The following ATG14 variants were observed in gnomAD, a reference collection of about 807,000 sequenced individuals.
ATG14 encodes the protein autophagy related 14.
In ATG14, 35 loss-of-function variants were observed where a neutral mutation model predicts 60.4. The observed-to-expected ratio is 0.58, with a 90% CI of 0.44 to 0.77. The LOEUF (loss-of-function observed/expected upper bound fraction) is 0.77. Ranked by LOEUF, ATG14 falls within the 30% of genes least tolerant of loss-of-function variation. The pLI is 0.00. For missense variants in ATG14, 647 were observed against 626.3 expected, an observed-to-expected ratio of 1.03 and a Z score of -0.35; for synonymous variants, 234 against 228.8, an observed-to-expected ratio of 1.02 and a Z score of -0.21.
At chr14:55,402,968 T>TATATAC (rs1336670488) in intron 1 of ATG14, among the ~76,000 whole-genome samples, 1 of 60,988 alleles carries the variant, frequency 1.6e-5, no homozygotes, top group East Asian at 4.9e-4. Flanking sequence ...TATATATATA[T>TATATAC]AAATAGCTGG....
At chr14:55,407,124 G>A (rs1430670704) in intron 1 of ATG14, among the ~76,000 whole-genome samples, 1 of 151,956 alleles carries the variant, frequency 6.6e-6, no homozygotes, top group African/African-American at 2.4e-5. Context: ...ACAACACCCA[G>A]CTAATTTTTG....
intron 1 of ATG14, among the ~76,000 whole-genome samples, chr14:55,404,663 G>T (rs1467522400): frequency 4.6e-5 from 7 of 152,174 alleles, no homozygotes; most frequent in Non-Finnish European, 7.4e-5. Context: ...GTGTACAGGT[G>T]GGGGGTGCTG....
Position 55,380,637 on chromosome 14 carries a change from T to G in ATG14, c.931A>C (p.Thr311Pro). 6.2e-7 allele frequency: 1 copy of G among 1,613,338 alleles called. No homozygotes were observed. ...TGAGACAGAATGTTGACCAGCTGAG[T>G]TGCATAGCACAGCGCAGCACTGATG... Reference protein sequence around the residue: ...YTISAALCYATQLVNILSHIL... With the variant: ...YTISAALCYAPQLVNILSHIL... Residue 311 changes from threonine (T) to proline (P), a missense_variant, in exon 7 of 10, where the codon ACT becomes CCT. Coordinates refer to ENST00000247178, the MANE Select transcript of ATG14 (RefSeq NM_014924.5).
At chr14:55,400,660 T>C (rs1163645050) in intron 1 of ATG14, among the ~76,000 whole-genome samples, 1 of 152,154 alleles carries the variant, frequency 6.6e-6, no homozygotes, top group Non-Finnish European at 1.5e-5. Flanking sequence ...CGCAGCACTT[T>C]GGGAGGCCAA....
intron 1 of ATG14, among the ~76,000 whole-genome samples, chr14:55,405,621 T>C (rs1441231839): frequency 1.3e-5 from 2 of 152,202 alleles, no homozygotes; most frequent in Non-Finnish European, 2.9e-5. Flanking sequence ...TTCTTTCCTG[T>C]TGTGAGTGGA....
intron 1 of ATG14, among the ~76,000 whole-genome samples, chr14:55,400,426 T>G (rs1885377935): frequency 6.6e-6 from 1 of 152,208 alleles, no homozygotes; most frequent in African/African-American, 2.4e-5. Context: ...AACATATTGA[T>G]CTAATTCACT....
At position 55,398,053 on chromosome 14, in the gene ATG14, T is replaced by C. The variant is rs1013885623; in HGVS notation, c.222-619A>G. 3.3e-5 allele frequency among the ~76,000 whole-genome samples: 5 copies of C among 149,642 alleles called. No homozygotes were observed. The East Asian group carries it at 1.0e-3, about 30-fold the overall frequency. On this transcript the variant is annotated intron_variant, in intron 1 of 9. Transcript: ENST00000247178. ...AGCTCCGCCTCCTGGGCTCACGCCA[T>C]TCTCCCGCCTCAGCCTCCCAAGCAG...
chr14:55,390,854 C>T, intron 4 of ATG14, 57 bp downstream of exon 4: 1 of 1,220,016 alleles, frequency 8.2e-7, no homozygotes, highest in Middle Eastern at 1.9e-4. Flanking sequence ...TTATTAATCC[C>T]ATGAAATTCC....
intron 1 of ATG14, among the ~76,000 whole-genome samples, chr14:55,398,705 C>T (rs77441083): frequency 0.014 from 2,104 of 152,174 alleles, 56 homozygotes; most frequent in African/African-American, 0.048. Flanking sequence ...GAAAGTTCCA[C>T]GCGTACTTGA....
intron 1 of ATG14, among the ~76,000 whole-genome samples, chr14:55,405,561 A>C (rs1320301094): frequency 6.6e-6 from 1 of 152,206 alleles, no homozygotes; most frequent in Non-Finnish European, 1.5e-5. Flanking sequence ...AGGTATCCTT[A>C]GATTAATTCT....
At chr14:55,391,272 A>C in intron 3 of ATG14, 8 of 239,712 alleles carry the variant, frequency 3.3e-5, no homozygotes, top group East Asian at 1.3e-4. Context: ...TTAGGAGATC[A>C]AGACCATCCT....
chr14:55,369,723 T>C lies in ATG14; in HGVS notation c.1375A>G (p.Thr459Ala), dbSNP rs1884769170. 1 of 1,612,668 alleles carries C rather than the reference T, an allele frequency of 6.2e-7. No homozygotes were observed. Among genetic ancestry groups the C allele is most frequent in the Non-Finnish European group, 8.5e-7 (1 of 1,178,936 alleles). Residue 459 changes from threonine (T) to alanine (A), a missense_variant, in exon 10 of 10, where the codon ACC becomes GCC. By Grantham distance (58) the Thr-to-Ala change is moderately conservative. Coordinates refer to ENST00000247178, the MANE Select transcript of ATG14 (RefSeq NM_014924.5). ...CTCGCGATGGGTGGGGACGCCTGGG[T>C]GCTCTGACTCTGGGAGACTTCCACA... ...QSVEVSQSQS[T>A]QASPPIASSS...
At chr14:55,388,115 C>A (rs1566581275) in intron 4 of ATG14, among the ~76,000 whole-genome samples, 2 of 152,028 alleles carry the variant, frequency 1.3e-5, no homozygotes, top group Admixed American at 6.6e-5. Context: ...CCAGCCTGGG[C>A]GAAAGAGCGA....
intron 1 of ATG14, among the ~76,000 whole-genome samples, chr14:55,404,683 G>A (rs1390519190): frequency 2.0e-5 from 3 of 152,092 alleles, no homozygotes; most frequent in African/African-American, 7.2e-5. Flanking sequence ...GCCTCTCCAG[G>A]GTTAATCCCA....
chr14:55,401,174 C>A (rs547634653), intron 1 of ATG14, among the ~76,000 whole-genome samples: 54 of 152,072 alleles, frequency 3.6e-4, no homozygotes, highest in South Asian at 1.7e-3. Flanking sequence ...GCATTTATTT[C>A]ATTATGAGAA....
chr14:55,372,222 A>T (rs976005876), intron 9 of ATG14, among the ~76,000 whole-genome samples: 1 of 152,028 alleles, frequency 6.6e-6, no homozygotes, highest in African/African-American at 2.4e-5. Context: ...GCTACCTGTT[A>T]TCATTAAATA....
At chr14:55,393,448 C>T (rs1793986620) in intron 3 of ATG14, among the ~76,000 whole-genome samples, 1 of 151,862 alleles carries the variant, frequency 6.6e-6, no homozygotes, top group African/African-American at 2.4e-5. Flanking sequence ...AAAAATTACA[C>T]ATTACAGAAG....
At chr14:55,392,415 A>G (rs1197463030) in intron 3 of ATG14, among the ~76,000 whole-genome samples, 1 of 152,156 alleles carries the variant, frequency 6.6e-6, no homozygotes, top group Non-Finnish European at 1.5e-5. Context: ...TGGGAAGCTG[A>G]GGCAGGCACA....
intron 1 of ATG14, among the ~76,000 whole-genome samples, chr14:55,407,089 G>T (rs548964283): frequency 6.6e-6 from 1 of 151,864 alleles, no homozygotes; most frequent in Non-Finnish European, 1.5e-5. Flanking sequence ...AGCTTCCCGA[G>T]TAGCTGGGTT....
Sources: gnomAD v4.1 joint callset for allele counts (sites outside exome capture counted in the v4.1 genomes callset) on GRCh38, gnomAD v4.1.1 for gene constraint, MANE v1.5 for transcripts, NCBI Gene and HGNC (gene_info 2026-07-23, HGNC 2026-07-21) for gene names.